Variants in PXK observed in about 807,000 individuals in gnomAD.
The protein encoded by PXK is PX domain containing serine/threonine kinase like.
Under a neutral mutation model 84.7 loss-of-function variants are expected in PXK, and 35 were observed. The ratio of observed to expected loss-of-function variants is 0.41; its 90% CI spans 0.32 to 0.55. The LOEUF is 0.55. Among genes scored for constraint, PXK ranks in the 20% least tolerant of loss-of-function variants. The pLI is 0.21. For synonymous variants in PXK, 253 were observed against 260.8 expected, an observed-to-expected ratio of 0.97 and a Z score of 0.29; for missense variants, 634 against 699.7, an observed-to-expected ratio of 0.91 and a Z score of 1.06.
At chr3:58,334,077 G>C (rs1575579785) in intron 1 of PXK, among the ~76,000 whole-genome samples, 1 of 152,290 alleles carries the variant, frequency 6.6e-6, no homozygotes, top group East Asian at 1.9e-4. Flanking sequence ...TACCATTGCA[G>C]TGTGTTTGGG....
At chr3:58,380,974 C>T (rs1370034508) in intron 3 of PXK, among the ~76,000 whole-genome samples, 3 of 151,792 alleles carry the variant, frequency 2.0e-5, no homozygotes, top group Admixed American at 6.6e-5. Flanking sequence ...GAGGGCCAGG[C>T]GCGGTGGCTC....
intron 5 of PXK, 31 bp from the exon 6 acceptor site, chr3:58,391,116 A>G: frequency 6.5e-7 from 1 of 1,533,554 alleles, no homozygotes. Flanking sequence ...AAAATTGTGC[A>G]GCTCTAAGCA....
At chr3:58,413,150 G>A (rs74377825) in intron 17 of PXK, 187 bp downstream of exon 17, 62,742 of 654,570 alleles carry the variant, frequency 0.096, 3,408 homozygotes, top group African/African-American at 0.17. Context: ...TTCCAAGCTC[G>A]GCTTTCACAG....
intron 1 of PXK, among the ~76,000 whole-genome samples, chr3:58,363,382 G>T (rs374798465): frequency 6.6e-5 from 10 of 152,332 alleles, no homozygotes; most frequent in African/African-American, 2.2e-4. Context: ...CAAGGCTGGA[G>T]TGCGGGTGCC....
At chr3:58,350,191 G>A (rs1304658304) in intron 1 of PXK, among the ~76,000 whole-genome samples, 1 of 152,122 alleles carries the variant, frequency 6.6e-6, no homozygotes, top group Admixed American at 6.5e-5. Context: ...CTTCTTAACT[G>A]CCTAATGTAC....
chr3:58,420,755 ATTCAT>A (rs2107785963), intron 17 of PXK: 2 of 1,400,510 alleles, frequency 1.4e-6, no homozygotes, highest in Non-Finnish European at 1.8e-6. Context: ...CTTCATCTAT[ATTCAT>A]TTCATTTTCA....
chr3:58,420,719 C>T (rs1054971811), intron 17 of PXK: 157 of 1,451,786 alleles, frequency 1.1e-4, no homozygotes, highest in Non-Finnish European at 1.3e-4. Flanking sequence ...AAATGAAATA[C>T]AGCATCTTTA....
chr3:58,397,583 G>A lies in PXK; in HGVS notation c.985-22G>A, dbSNP rs757986862. 3.5e-5 allele frequency: 55 copies of A among 1,588,810 alleles called. No homozygotes were observed. The highest frequency in any genetic ancestry group is 4.4e-5 in the Non-Finnish European group (51 of 1,157,106). ...CAAAGCCAAAGTGAAGGGTGAACAC[G>A]CTGCTACTCTTTCTTCCACAGACAT... On this transcript the variant is annotated intron_variant, in intron 10 of 17. Transcript: ENST00000356151. The surrounding 1 kb of genome is among the most constrained non-coding windows in gnomAD (Gnocchi z 4.7).
At chr3:58,406,050 A>G (rs1339086252) in intron 13 of PXK, among the ~76,000 whole-genome samples, 3 of 148,814 alleles carry the variant, frequency 2.0e-5, no homozygotes, top group Admixed American at 1.4e-4. Context: ...GCTCACTGCA[A>G]CCTCCGCCTC....
chr3:58,334,634 G>A (rs570265492), intron 1 of PXK, among the ~76,000 whole-genome samples: 7 of 152,056 alleles, frequency 4.6e-5, no homozygotes, highest in Admixed American at 1.3e-4. Flanking sequence ...CAGCCCATGT[G>A]CCTACCCACA....
rs955285213 is a variant in PXK at position 58,379,243 on chromosome 3, A to G, written c.202-3271A>G. ...CGGTAGCCCTTTATTTTTATACCTA[A>G]GAACTAGTTTACTTTTTCTCCATGT... On this transcript the variant is annotated intron_variant, in intron 3 of 17. Coordinates refer to ENST00000356151, the MANE Select transcript of PXK (RefSeq NM_017771.5). The surrounding 1 kb of genome is among the most constrained non-coding windows in gnomAD (Gnocchi z 5.1). 10 of 153,498 alleles carry G rather than the reference A, an allele frequency of 6.5e-5. No homozygotes were observed. Among genetic ancestry groups the G allele is most frequent in the African/African-American group, 2.4e-4 (10 of 41,444 alleles). The allele number at this position is 153,498 out of a possible 1,614,324, so 9.5% of individuals were successfully genotyped here.
At chr3:58,348,000 A>G (rs2097853132) in intron 1 of PXK, among the ~76,000 whole-genome samples, 1 of 151,742 alleles carries the variant, frequency 6.6e-6, no homozygotes. Flanking sequence ...CGCAACCTTC[A>G]CCTCCCGGGT....
chr3:58,361,597 C>T (rs1282950236), intron 1 of PXK, among the ~76,000 whole-genome samples: 1 of 152,088 alleles, frequency 6.6e-6, no homozygotes, highest in African/African-American at 2.4e-5. Context: ...TAGAATTGTA[C>T]AGTATATAAC....
Position 58,391,825 on chromosome 3 carries a change from T to A in PXK, c.593T>A (p.Ile198Asn). The change falls in exon 7 of 18, where the codon ATC becomes AAC. Residue 198 changes from isoleucine (I) to asparagine (N), a missense_variant. Ile to Asn is a moderately radical substitution (Grantham distance 149). Coordinates refer to ENST00000356151, the MANE Select transcript of PXK (RefSeq NM_017771.5). The part of the protein sequence containing the change: ...YLSDKDFQCL[I>N]KLLPSCLHPY... The stretch of plus-strand genomic sequence containing the variant: ...TCAGATAAAGATTTTCAGTGTCTAA[T>A]CAAACTTCTGCCTTCTTGTTTGGTG... 1 of 1,612,870 alleles carries A rather than the reference T, an allele frequency of 6.2e-7. No homozygotes were observed. The highest frequency in any genetic ancestry group is 8.5e-7 in the Non-Finnish European group (1 of 1,178,804).
chr3:58,410,965 G>A (rs1395164870), intron 16 of PXK, among the ~76,000 whole-genome samples: 1 of 152,166 alleles, frequency 6.6e-6, no homozygotes, highest in Non-Finnish European at 1.5e-5. Context: ...TAACTGGCAG[G>A]GGCACCATGG....
chr3:58,402,780 T>G (rs1576608027), intron 12 of PXK, among the ~76,000 whole-genome samples: 1 of 149,088 alleles, frequency 6.7e-6, no homozygotes, highest in East Asian at 2.0e-4. Flanking sequence ...TTTGGTCACA[T>G]GGGTAATTTT....
At chr3:58,378,967 G>C (rs180821682) in intron 3 of PXK, among the ~76,000 whole-genome samples, 1 of 151,922 alleles carries the variant, frequency 6.6e-6, no homozygotes, top group African/African-American at 2.4e-5. Flanking sequence ...CTGTTGCCCA[G>C]GCTGGAGGGC....
rs573533957 is a variant in PXK, at chr3:58,383,207, G to T, written c.388+507G>T. Reference sequence around the variant, plus strand: ...CTCGGGAGGCTGAGGCAGGAGAATCGCTTGAACCCGGGAGGTGGAGGTTGC... The same window carrying T: ...CTCGGGAGGCTGAGGCAGGAGAATCTCTTGAACCCGGGAGGTGGAGGTTGC... On this transcript the variant is annotated intron_variant, in intron 4 of 17. Transcript: ENST00000356151. This position sits in a 1 kb window ranked among gnomAD's most constrained non-coding sequence, Gnocchi z 4.0. Among the ~76,000 whole-genome samples the T allele has an allele frequency of 3.4e-4, 52 of 152,212 alleles. No homozygotes were observed. Among genetic ancestry groups the T allele is most frequent in the African/African-American group, 1.2e-3 (50 of 41,536 alleles).
At chr3:58,369,552 C>T (rs1014463432) in intron 3 of PXK, 74 bp downstream of exon 3, 13 of 1,206,432 alleles carry the variant, frequency 1.1e-5, no homozygotes, top group East Asian at 2.3e-5. Context: ...AGTCGGGGCA[C>T]GGTGGCTCAA....
Sources: allele counts gnomAD v4.1 joint callset (sites outside exome capture counted in the v4.1 genomes callset), GRCh38; gene constraint gnomAD v4.1.1; non-coding constraint Gnocchi (gnomAD v3.1); transcripts MANE v1.5; gene names NCBI Gene and HGNC (gene_info 2026-07-23, HGNC 2026-07-21).